Variants in NNT observed in about 807,000 individuals in gnomAD.
NNT encodes NAD(P) transhydrogenase, mitochondrial.
A neutral mutation model predicts 104.8 loss-of-function variants in NNT; 50 were observed. That is an observed-to-expected ratio of 0.48 (90% CI 0.38 to 0.60). The LOEUF is 0.60. Among genes scored for constraint, NNT ranks in the 20% least tolerant of loss-of-function variants. NNT has a pLI of 0.00. For missense variants in NNT, 1,131 were observed against 1,330.7 expected, an observed-to-expected ratio of 0.85 and a Z score of 2.33; for synonymous variants, 461 against 490.4, an observed-to-expected ratio of 0.94 and a Z score of 0.79.
Position 43,613,041 on chromosome 5 carries a change from G to T in NNT, c.285G>T (p.Ala95=), listed in dbSNP as rs768145659. 5 of 1,613,956 alleles carry T rather than the reference G, an allele frequency of 3.1e-6. No homozygotes were observed. The Admixed American group carries it at 8.3e-5, about 27-fold the overall frequency. Residue 95 remains alanine, a synonymous_variant, in exon 3 of 22, where the codon GCG becomes GCT. Transcript: ENST00000344920. ...QGFNVVVESG[A]GEASKFSDDH... ...TTAATGTTGTCGTGGAATCGGGTGC[G>T]GGCGAAGCTTCCAAGTTCTCAGATG...
chr5:43,658,602 G>C (rs1196312276), intron 16 of NNT, among the ~76,000 whole-genome samples: 2 of 152,162 alleles, frequency 1.3e-5, no homozygotes, highest in Non-Finnish European at 2.9e-5. Context: ...TCCTTAACAG[G>C]ATTGCTTGGA....
intron 19 of NNT, among the ~76,000 whole-genome samples, chr5:43,688,817 C>T (rs1348692848): frequency 6.6e-6 from 1 of 152,146 alleles, no homozygotes. Flanking sequence ...TGGGCTGGTT[C>T]CATATTTTTG....
intron 19 of NNT, among the ~76,000 whole-genome samples, chr5:43,697,565 A>G (rs1742623378): frequency 1.3e-5 from 2 of 152,166 alleles, no homozygotes; most frequent in South Asian, 4.1e-4. Flanking sequence ...CCAATTTACT[A>G]TATTAGTCCA....
chr5:43,605,215 C>G (rs987060221), intron 1 of NNT, among the ~76,000 whole-genome samples: 1 of 152,134 alleles, frequency 6.6e-6, no homozygotes, highest in African/African-American at 2.4e-5. Context: ...GAAAGCAATG[C>G]TTAAAAAGTT....
chr5:43,662,612 G>A (rs1740428910), intron 17 of NNT, among the ~76,000 whole-genome samples: 1 of 152,090 alleles, frequency 6.6e-6, no homozygotes, highest in African/African-American at 2.4e-5. Flanking sequence ...AAAAATTCTG[G>A]CCAGGCGCCG....
At chr5:43,663,709 AC>A (rs987025050) in intron 17 of NNT, among the ~76,000 whole-genome samples, 5 of 152,356 alleles carry the variant, frequency 3.3e-5, no homozygotes, top group African/African-American at 1.2e-4. Flanking sequence ...TGGGTGCTTT[AC>A]AAAATATAGC....
chr5:43,619,214 T>C, intron 5 of NNT, 95 bp downstream of exon 5: 1 of 544,174 alleles, frequency 1.8e-6, no homozygotes, highest in Non-Finnish European at 2.9e-6. Context: ...AATTTTTATA[T>C]GTTAACCTCA....
rs1388243787 is a variant in NNT at position 43,628,324 on chromosome 5, A to G, written c.901A>G (p.Met301Val). 2 of 1,614,068 alleles carry G rather than the reference A, an allele frequency of 1.2e-6. No individual in the cohort carries two copies. The highest frequency in any genetic ancestry group is 1.7e-6 in the Non-Finnish European group (2 of 1,179,966). ...EMSKEFIEAE[M>V]KLFAQQCKEV... ...GTCCAAAGAGTTCATTGAAGCTGAA[A>G]TGAAACTCTTTGCTCAACAATGCAA... The change falls in exon 7 of 22, where the codon ATG (methionine) becomes GTG (valine). Residue 301 changes from methionine (M) to valine (V), a missense_variant. By Grantham distance (21) the Met-to-Val change is conservative. Transcript: ENST00000344920.
At chr5:43,652,853 G>A (rs187644830) in intron 13 of NNT, among the ~76,000 whole-genome samples, 165 bp from the exon 14 acceptor site, 1 of 152,260 alleles carries the variant, frequency 6.6e-6, no homozygotes, top group East Asian at 1.9e-4. Flanking sequence ...ATTTGTGCAT[G>A]ATAGCAAATC....
intron 17 of NNT, among the ~76,000 whole-genome samples, chr5:43,659,561 T>TC (rs145982973): frequency 0.066 from 10,043 of 151,990 alleles, 558 homozygotes; most frequent in African/African-American, 0.15. Context: ...AAACCCTGTC[T>TC]CTACTAAAAA....
chr5:43,617,364 A>AT (rs1205563686), intron 4 of NNT, among the ~76,000 whole-genome samples: 1 of 152,216 alleles, frequency 6.6e-6, no homozygotes, highest in Non-Finnish European at 1.5e-5. Context: ...GTGCAGAAAC[A>AT]TTCCTACTCT....
chr5:43,674,709 C>T (rs1368988811), intron 17 of NNT, among the ~76,000 whole-genome samples: 1 of 152,144 alleles, frequency 6.6e-6, no homozygotes, highest in African/African-American at 2.4e-5. Flanking sequence ...ACCCCACCTC[C>T]AGAGGTCTAC....
At chr5:43,610,974 A>C (rs1322271329) in intron 2 of NNT, among the ~76,000 whole-genome samples, 2 of 152,168 alleles carry the variant, frequency 1.3e-5, no homozygotes, top group African/African-American at 2.4e-5. Context: ...TATAACCATA[A>C]GTTCATTACC....
chr5:43,696,858 A>G (rs1244850877), intron 19 of NNT, among the ~76,000 whole-genome samples: 1 of 152,118 alleles, frequency 6.6e-6, no homozygotes, highest in African/African-American at 2.4e-5. Flanking sequence ...CAGGGCACCA[A>G]GTCCCTACAC....
At chr5:43,672,542 G>T (rs1049263615) in intron 17 of NNT, among the ~76,000 whole-genome samples, 3 of 143,288 alleles carry the variant, frequency 2.1e-5, no homozygotes, top group South Asian at 2.2e-4. Context: ...GAGTTTGCTG[G>T]AGGTCCACTC....
intron 6 of NNT, among the ~76,000 whole-genome samples, chr5:43,625,860 C>G (rs1331748214): frequency 1.3e-5 from 2 of 150,064 alleles, no homozygotes; most frequent in East Asian, 4.0e-4. Context: ...GTCTCACTGC[C>G]TAGAGATTTT....
intron 8 of NNT, 89 bp downstream of exon 8, chr5:43,644,414 T>A: frequency 6.7e-7 from 1 of 1,487,700 alleles, no homozygotes; most frequent in Non-Finnish European, 9.1e-7. Context: ...TTAGAGACAT[T>A]AAGGCTTGAA....
In NNT at chr5:43,644,597, T is replaced by G. The variant is rs762471999; in HGVS notation, c.1099-14T>G. The G allele has an allele frequency of 1.3e-6, 2 of 1,594,576 alleles. No homozygotes were observed. Among genetic ancestry groups the G allele is most frequent in the South Asian group, 2.3e-5 (2 of 88,424 alleles). On this transcript the variant is annotated splice_polypyrimidine_tract_variant and intron_variant, in intron 8 of 21. Transcript: ENST00000344920. ...GGGTGATAGACCTTTTTGACTATAA[T>G]TTTGTTCATTTAGGGAATTACTCAC... is the stretch of plus-strand genomic sequence containing the variant.
intron 2 of NNT, 31 bp from the exon 3 acceptor site, chr5:43,612,877 A>G (rs768804740): frequency 2.9e-6 from 4 of 1,398,322 alleles, no homozygotes; most frequent in Non-Finnish European, 3.9e-6. Context: ...TTTACCAAAT[A>G]TATATTTTTT....
Sources: gnomAD v4.1 joint callset for allele counts (sites outside exome capture counted in the v4.1 genomes callset) on GRCh38, gnomAD v4.1.1 for gene constraint, MANE v1.5 for transcripts, NCBI Gene and HGNC (gene_info 2026-07-23, HGNC 2026-07-21) for gene names.